Variants in ADAT1 observed in about 807,000 individuals in gnomAD.
ADAT1 encodes adenosine deaminase tRNA specific 1.
In ADAT1, 58 loss-of-function variants were observed where a neutral mutation model predicts 58.6. The ratio of observed to expected loss-of-function variants is 0.99; its 90% CI spans 0.80 to 1.23. ADAT1 has a LOEUF of 1.23. Among genes scored for constraint, ADAT1 ranks in the 50% most tolerant of loss-of-function variants. The probability of loss-of-function intolerance (pLI) is 0.00; values close to 1 mark genes in which losing one functional copy is unlikely to be tolerated. For synonymous variants in ADAT1, 254 were observed against 220.8 expected (o/e 1.15, Z -1.33); for missense variants, 741 against 608.6 (o/e 1.22, Z -2.29).
intron 8 of ADAT1, among the ~76,000 whole-genome samples, chr16:75,603,917 T>A (rs1025934328): frequency 6.6e-6 from 1 of 151,422 alleles, no homozygotes; most frequent in Admixed American, 6.6e-5. Context: ...ACATGTAAAA[T>A]AGGGAATTAT....
At chr16:75,615,243 T>C (rs2081663160) in intron 5 of ADAT1, among the ~76,000 whole-genome samples, 1 of 151,250 alleles carries the variant, frequency 6.6e-6, no homozygotes, top group South Asian at 2.1e-4. Context: ...TCCTTTAAAG[T>C]GAAAGAAATT....
Position 75,612,494 on chromosome 16 carries a change from T to G in ADAT1, c.792A>C (p.Val264=). 5 of 1,614,178 alleles carry G rather than the reference T, an allele frequency of 3.1e-6. No homozygotes were observed. The highest frequency in any genetic ancestry group is 4.2e-6 in the Non-Finnish European group (5 of 1,180,028). The part of the protein sequence containing the change: ...IDVYRTGAKC[V]PGEAGDSGKP... The stretch of plus-strand genomic sequence containing the variant: ...TTCCGGAGTCTCCAGCTTCTCCAGG[T>G]ACACACTTGGCTCCAGTTCTATAAA... The change falls in exon 6 of 10, where the codon GTA becomes GTC. Residue 264 remains valine (V), a synonymous_variant. Coordinates refer to ENST00000564657, the MANE Select transcript of ADAT1 (RefSeq NM_001324445.2).
At position 75,622,999 on chromosome 16, in the gene ADAT1, T is replaced by A. The variant is rs1334456919; in HGVS notation, c.-618A>T. The A allele has an allele frequency of 6.6e-6, 1 of 152,128 alleles. No homozygotes were observed. Among genetic ancestry groups the A allele is most frequent in the African/African-American group, 2.4e-5 (1 of 41,414 alleles). 9.4% of individuals were successfully genotyped at this position (152,128 alleles called of 1,614,324 possible). Reference sequence around the variant, plus strand: ...CAGGCAAGGCACTGAAGCCATGCAGTGAGAACAGCGTGAGCGCCTGATCCA... The same window carrying A: ...CAGGCAAGGCACTGAAGCCATGCAGAGAGAACAGCGTGAGCGCCTGATCCA... On this transcript the variant is annotated 5_prime_UTR_variant, in exon 1 of 10. Transcript: ENST00000564657.
chr16:75,602,640 A>G (rs2081262085), intron 9 of ADAT1, among the ~76,000 whole-genome samples: 5 of 152,208 alleles, frequency 3.3e-5, no homozygotes, highest in Admixed American at 3.3e-4. Flanking sequence ...CACTGTCAGA[A>G]TGTCACTGCA....
chr16:75,604,456 A>AAAAAAATATATATATAT (rs1555508674), intron 8 of ADAT1, among the ~76,000 whole-genome samples: 1 of 48,784 alleles, frequency 2.0e-5, no homozygotes, highest in African/African-American at 1.4e-4. Flanking sequence ...AAAAAAAAAA[A>AAAAAAATATATATATAT]ATATATATAT....
intron 2 of ADAT1, 132 bp from the exon 3 acceptor site, chr16:75,620,466 G>T: frequency 7.1e-7 from 1 of 1,403,088 alleles, no homozygotes; most frequent in Non-Finnish European, 1.0e-6. Context: ...GTTCCAGCAT[G>T]GCGGTCTCCC....
chr16:75,617,277 G>A lies in ADAT1; in HGVS notation c.294-5C>T. On this transcript the variant is annotated splice_region_variant and splice_polypyrimidine_tract_variant and intron_variant, in intron 4 of 9. Transcript: ENST00000564657. Reference sequence around the variant, plus strand: ...TGGAGTTGGTGGAGAAGGTACCTAAGGGTTGCAAGATGTTATTAGGATGAA... The same window carrying A: ...TGGAGTTGGTGGAGAAGGTACCTAAAGGTTGCAAGATGTTATTAGGATGAA... 6.2e-7 allele frequency: 1 copy of A among 1,611,488 alleles called. No homozygotes were observed. Among genetic ancestry groups the A allele is most frequent in the Non-Finnish European group, 8.5e-7 (1 of 1,177,852 alleles).
At chr16:75,621,311 A>G (rs1387041806) in intron 1 of ADAT1, among the ~76,000 whole-genome samples, 3 of 142,988 alleles carry the variant, frequency 2.1e-5, no homozygotes, top group Non-Finnish European at 3.0e-5. Context: ...ACCGCCCTCT[A>G]GTAAATCCCC....
chr16:75,610,521 T>G (rs1369658858), intron 6 of ADAT1, among the ~76,000 whole-genome samples: 1 of 152,190 alleles, frequency 6.6e-6, no homozygotes, highest in African/African-American at 2.4e-5. Context: ...GGTCTTGAAC[T>G]CCTGGACTCA....
At chr16:75,604,474 T>TATACACACACACACAC (rs1324943206) in intron 8 of ADAT1, among the ~76,000 whole-genome samples, 9 of 54,020 alleles carry the variant, frequency 1.7e-4, no homozygotes, top group Admixed American at 7.5e-4. Flanking sequence ...TATATATATA[T>TATACACACACACACAC]ACACACACAC....
In ADAT1 at chr16:75,604,474, TACACACACACACACACACAC is replaced by T. The variant is rs373687206; in HGVS notation, c.1290-1323_1290-1304del. Reference sequence around the variant, plus strand: ...AAAAAAAAATATATATATATATATATACACACACACACACACACACACACACACACACACACACACACACA... The same window carrying T: ...AAAAAAAAATATATATATATATATATACACACACACACACACACACACACA... On this transcript the variant is annotated intron_variant, in intron 8 of 9. Transcript: ENST00000564657. Among the ~76,000 whole-genome samples the T allele has an allele frequency of 1.2e-3, 65 of 54,016 alleles. 6 individuals carry two copies. In the South Asian group the frequency reaches 0.052, roughly 43 times the overall value. The allele number at this position is 54,016 out of a possible 152,430, so 35.4% of individuals were successfully genotyped here. A position where few individuals can be genotyped will look rare whatever the true frequency, so the allele number is the denominator to read the frequency against.
chr16:75,613,833 G>C (rs2081623069), intron 5 of ADAT1, among the ~76,000 whole-genome samples: 1 of 152,142 alleles, frequency 6.6e-6, no homozygotes, highest in African/African-American at 2.4e-5. Flanking sequence ...TTTCCCAAGT[G>C]CATTTTGTGA....
intron 4 of ADAT1, 139 bp from the exon 5 acceptor site, chr16:75,617,411 A>G (rs1245516884): frequency 4.4e-6 from 4 of 904,938 alleles, no homozygotes; most frequent in Non-Finnish European, 6.6e-6. Flanking sequence ...AATGCTCTAG[A>G]CCAGTGATTC....
At chr16:75,619,824 G>C (rs908231792) in intron 3 of ADAT1, 1 of 331,836 alleles carries the variant, frequency 3.0e-6, no homozygotes, top group Non-Finnish European at 6.0e-6. Flanking sequence ...AGGAAGGGGA[G>C]GTTGCAGAGC....
At chr16:75,618,507 C>G in intron 4 of ADAT1, 79 bp downstream of exon 4, 9 of 997,220 alleles carry the variant, frequency 9.0e-6, no homozygotes, top group South Asian at 3.4e-5. Flanking sequence ...CTCTGTCCCC[C>G]CCAAAAAAAA....
rs193920811 is a variant in ADAT1 at position 75,612,612 on chromosome 16, G to A, written c.674C>T (p.Pro225Leu). ...ACAGCTGTGGATGCCTGGTGAGATT[G>A]GGCCACTTTTCTGCTTGCCAAAACT... Reference protein sequence around the residue: ...HQSFGKQKSGPISPGIHSCDL... With the variant: ...HQSFGKQKSGLISPGIHSCDL... Residue 225 changes from proline to leucine, a missense_variant, in exon 6 of 10, where the codon CCA becomes CTA. Pro to Leu is a moderately conservative substitution (Grantham distance 98). Coordinates refer to ENST00000564657, the MANE Select transcript of ADAT1 (RefSeq NM_001324445.2). The A allele has an allele frequency of 6.2e-7, 1 of 1,613,918 alleles. No individual in the cohort carries two copies. The highest frequency in any genetic ancestry group is 8.5e-7 in the Non-Finnish European group (1 of 1,180,030).
chr16:75,600,413 A>T, intron 9 of ADAT1, 65 bp from the exon 10 acceptor site: 9 of 1,590,628 alleles, frequency 5.7e-6, no homozygotes, highest in Non-Finnish European at 6.9e-6. Flanking sequence ...GGGCCACCAG[A>T]CACCTGAGCA....
At position 75,623,038 on chromosome 16, in the gene ADAT1, C is replaced by T. The variant is rs149992158; in HGVS notation, c.-657G>A. On this transcript the variant is annotated 5_prime_UTR_variant, in exon 1 of 10. Coordinates refer to ENST00000564657, the MANE Select transcript of ADAT1 (RefSeq NM_001324445.2). ...GCGCCTGATCCATTGGGTCCTGCGG[C>T]TGCCAGGCCAGAGGCCCCGCGCCAG... 0.025 allele frequency: 3,438 copies of T among 139,376 alleles called. 45 individuals are homozygous for T. Among genetic ancestry groups the T allele is most frequent in the East Asian group, 0.037 (147 of 3,976 alleles). 8.6% of individuals were successfully genotyped at this position (139,376 alleles called of 1,614,324 possible).
intron 4 of ADAT1, 51 bp downstream of exon 4, chr16:75,618,535 G>T: frequency 7.8e-7 from 1 of 1,282,462 alleles, no homozygotes. Flanking sequence ...AGTAAATTCC[G>T]GGACTCCCAC....
Sources: gnomAD v4.1 joint callset for allele counts (sites outside exome capture counted in the v4.1 genomes callset) on GRCh38, gnomAD v4.1.1 for gene constraint, MANE v1.5 for transcripts, NCBI Gene and HGNC (gene_info 2026-07-23, HGNC 2026-07-21) for gene names.